Variants in DENND2C observed in about 807,000 individuals in gnomAD.
DENND2C encodes the protein DENN domain-containing protein 2C.
DENND2C carries 72 observed loss-of-function variants against 112.4 expected under a neutral mutation model. That is an observed-to-expected ratio of 0.64 (90% CI 0.53 to 0.78). DENND2C has a LOEUF of 0.78. DENND2C is among the 30% of genes least tolerant of loss of function. The pLI is 0.00. For missense variants in DENND2C, 992 were observed against 1,113.8 expected (o/e 0.89, Z 1.56); for synonymous variants, 329 against 381.6 (o/e 0.86, Z 1.61).
At chr1:114,604,094 C>T (rs1274484529) in intron 11 of DENND2C, among the ~76,000 whole-genome samples, 1 of 152,174 alleles carries the variant, frequency 6.6e-6, no homozygotes, top group Admixed American at 6.5e-5. Flanking sequence ...AGCAGTGCAA[C>T]TGACAACACA....
chr1:114,588,087 A>C, intron 18 of DENND2C, 135 bp from the exon 19 acceptor site: 1 of 753,700 alleles, frequency 1.3e-6, no homozygotes, highest in South Asian at 1.9e-5. Context: ...AGGAGTGTTC[A>C]TTCTTCACTT....
intron 3 of DENND2C, among the ~76,000 whole-genome samples, chr1:114,634,942 C>T (rs1656611598): frequency 6.7e-6 from 1 of 150,064 alleles, no homozygotes; most frequent in Admixed American, 6.7e-5. Context: ...GCACGAGAAT[C>T]GCTTGAACCT....
chr1:114,659,714 ATTCCTTTCCT>A (rs530153275), intron 1 of DENND2C, among the ~76,000 whole-genome samples: 7 of 150,972 alleles, frequency 4.6e-5, no homozygotes, highest in African/African-American at 1.5e-4. Flanking sequence ...TGCCCAAGAG[ATTCCTTTCCT>A]TTCCTTTCCT....
At chr1:114,653,125 T>A (rs1285185346) in intron 2 of DENND2C, among the ~76,000 whole-genome samples, 1 of 152,092 alleles carries the variant, frequency 6.6e-6, no homozygotes, top group Non-Finnish European at 1.5e-5. Flanking sequence ...ACTTTTTTTT[T>A]TGAGACAGAG....
At position 114,594,591 on chromosome 1, in the gene DENND2C, A is replaced by G; in HGVS notation, c.2326-13T>C. The G allele has an allele frequency of 1.2e-6, 2 of 1,601,702 alleles. No individual in the cohort carries two copies. Among genetic ancestry groups the G allele is most frequent in the African/African-American group, 1.3e-5 (1 of 74,682 alleles). On this transcript the variant is annotated splice_polypyrimidine_tract_variant and intron_variant, in intron 17 of 20. Transcript: ENST00000393274. Reference sequence around the variant, plus strand: ...CCTCATCAGATACCTTAAGAAGAAAAAAAAATGGAGATTTTTCTTTGTTTG... The same window carrying G: ...CCTCATCAGATACCTTAAGAAGAAAGAAAAATGGAGATTTTTCTTTGTTTG...
intron 8 of DENND2C, among the ~76,000 whole-genome samples, chr1:114,615,516 T>C (rs1655940831): frequency 6.6e-6 from 1 of 152,206 alleles, no homozygotes; most frequent in African/African-American, 2.4e-5. Flanking sequence ...ATACATGAGA[T>C]AAAATATGTA....
intron 8 of DENND2C, among the ~76,000 whole-genome samples, chr1:114,612,348 T>C (rs1295160339): frequency 2.9e-5 from 4 of 137,238 alleles, no homozygotes; most frequent in Non-Finnish European, 6.2e-5. Flanking sequence ...GCAGCAGTTA[T>C]AAATTTTTTT....
Position 114,609,160 on chromosome 1 carries a change from A to G in DENND2C, c.1370-287T>C, listed in dbSNP as rs1303843440. On this transcript the variant is annotated intron_variant, in intron 9 of 20. Transcript: ENST00000393274. ...TTATGTATGTCCCAACAAATAATCT[A>G]TGCTATCCCATCTTTCATGGCATCA... Among the ~76,000 whole-genome samples, 4 of 152,300 alleles carry G rather than the reference A, an allele frequency of 2.6e-5. 1 individual carries two copies. The Middle Eastern group carries it at 0.01, about 389-fold the overall frequency.
At chr1:114,599,154 A>T (rs1655424810) in intron 16 of DENND2C, 120 bp downstream of exon 16, 1 of 673,920 alleles carries the variant, frequency 1.5e-6, no homozygotes, top group Non-Finnish European at 2.2e-6. Context: ...ATAATTTAAT[A>T]GAAATATTAT....
chr1:114,608,945 A>G, intron 9 of DENND2C, 72 bp from the exon 10 acceptor site: 2 of 1,523,430 alleles, frequency 1.3e-6, no homozygotes, highest in Non-Finnish European at 1.8e-6. Context: ...AGAGGTCATG[A>G]CCCACATAGG....
chr1:114,652,069 G>T (rs1444524520), intron 2 of DENND2C, among the ~76,000 whole-genome samples: 1 of 152,176 alleles, frequency 6.6e-6, no homozygotes, highest in Admixed American at 6.5e-5. Flanking sequence ...GACTGGCACA[G>T]AGTATTGGCA....
chr1:114,658,080 C>T (rs1657383103), intron 1 of DENND2C, among the ~76,000 whole-genome samples: 3 of 152,112 alleles, frequency 2.0e-5, no homozygotes, highest in Non-Finnish European at 2.9e-5. Context: ...CATCTGATGG[C>T]TTCTATTTTC....
chr1:114,650,862 T>A (rs1187835446), intron 2 of DENND2C, among the ~76,000 whole-genome samples: 1 of 152,182 alleles, frequency 6.6e-6, no homozygotes, highest in African/African-American at 2.4e-5. Flanking sequence ...TTTTATCTCA[T>A]TTGACAATAA....
intron 3 of DENND2C, among the ~76,000 whole-genome samples, chr1:114,633,666 AT>A (rs1213291133): frequency 1.3e-5 from 2 of 152,124 alleles, no homozygotes; most frequent in African/African-American, 2.4e-5. Flanking sequence ...TTCTAAAAAA[AT>A]AATTGATGCC....
chr1:114,647,492 C>A (rs2101686284), intron 2 of DENND2C, among the ~76,000 whole-genome samples: 1 of 152,128 alleles, frequency 6.6e-6, no homozygotes, highest in East Asian at 1.9e-4. Context: ...CTCTAATATT[C>A]TCCTGGTTTC....
intron 7 of DENND2C, among the ~76,000 whole-genome samples, chr1:114,620,970 AAAG>A (rs1428696928): frequency 6.6e-6 from 1 of 152,234 alleles, no homozygotes; most frequent in Non-Finnish European, 1.5e-5. Context: ...AGATGGGATT[AAAG>A]AAGGAATAAT....
intron 2 of DENND2C, among the ~76,000 whole-genome samples, chr1:114,646,399 C>A (rs552677928): frequency 8.5e-5 from 13 of 152,272 alleles, no homozygotes; most frequent in African/African-American, 2.9e-4. Context: ...TTAAAAAATA[C>A]TTTTCCATAA....
At chr1:114,613,902 G>A (rs1277929206) in intron 8 of DENND2C, among the ~76,000 whole-genome samples, 2 of 152,122 alleles carry the variant, frequency 1.3e-5, no homozygotes, top group Admixed American at 6.5e-5. Context: ...GAAGAAGGCT[G>A]ATAAGTCATT....
intron 1 of DENND2C, among the ~76,000 whole-genome samples, chr1:114,660,498 C>T (rs1467119314): frequency 6.6e-6 from 1 of 152,100 alleles, no homozygotes; most frequent in African/African-American, 2.4e-5. Context: ...ATACTTTCAG[C>T]TGTATTGTTT....
Sources: gnomAD v4.1 joint callset for allele counts (sites outside exome capture counted in the v4.1 genomes callset) on GRCh38, gnomAD v4.1.1 for gene constraint, MANE v1.5 for transcripts, NCBI Gene and HGNC (gene_info 2026-07-23, HGNC 2026-07-21) for gene names.